Variants in RABL2A observed in about 807,000 individuals in gnomAD.
RABL2A encodes the protein RAB, member of RAS oncogene family like 2A.
RABL2A carries 17 observed loss-of-function variants against 30.7 expected under a neutral mutation model. The observed-to-expected ratio is 0.55, with a 90% CI of 0.38 to 0.83. RABL2A has a LOEUF of 0.83. RABL2A is among the 40% of genes least tolerant of loss of function. The pLI is 0.00. For missense variants in RABL2A, 155 were observed against 272.6 expected (o/e 0.57, Z 3.04); for synonymous variants, 64 against 101.8 (o/e 0.63, Z 2.24).
intron 3 of RABL2A, chr2:113,633,166 T>G: frequency 1.5e-6 from 1 of 675,928 alleles, no homozygotes; most frequent in Non-Finnish European, 2.7e-6. Flanking sequence ...ATATTTGGAT[T>G]GTTTTATATT....
intron 5 of RABL2A, among the ~76,000 whole-genome samples, chr2:113,639,094 TTAATA>T (rs1258717552): frequency 6.6e-6 from 1 of 151,498 alleles, no homozygotes; most frequent in Non-Finnish European, 1.5e-5. Context: ...ACCAGCCTCG[TTAATA>T]TAATGAGAGC....
At chr2:113,637,340 T>C (rs1378687316) in intron 5 of RABL2A, 2 of 1,003,718 alleles carry the variant, frequency 2.0e-6, no homozygotes, top group Non-Finnish European at 2.4e-6. Flanking sequence ...CCTCCTCTGA[T>C]GTTTGTCATT....
chr2:113,642,411 A>T lies in RABL2A; in HGVS notation c.*282A>T. On this transcript the variant is annotated 3_prime_UTR_variant, in exon 9 of 9. Transcript: ENST00000683472. Reference sequence around the variant, plus strand: ...ACCCCCTCCCCCCAGGCAGACAGTGAAGAGAATCAGAAAACATGATTATGT... The same window carrying T: ...ACCCCCTCCCCCCAGGCAGACAGTGTAGAGAATCAGAAAACATGATTATGT... 1.8e-6 allele frequency: 1 copy of T among 561,092 alleles called. No homozygotes were observed. Among genetic ancestry groups the T allele is most frequent in the Non-Finnish European group, 3.0e-6 (1 of 332,860 alleles). 34.8% of individuals were successfully genotyped at this position (561,092 alleles called of 1,614,324 possible). A position where few individuals can be genotyped will look rare whatever the true frequency, so the allele number is the denominator to read the frequency against.
In RABL2A at chr2:113,629,414, C is replaced by T. The variant is rs574451788; in HGVS notation, c.107+701C>T. Among the ~76,000 whole-genome samples the T allele has an allele frequency of 3.0e-3, 464 of 152,308 alleles. 3 individuals carry two copies. The highest frequency in any genetic ancestry group is 0.011 in the African/African-American group (441 of 41,556). ...TAGTCAAGTCCTTTGACTCAGGTAG[C>T]TGTGAATAATTCTCTGGGGGCTTTG... On this transcript the variant is annotated intron_variant, in intron 2 of 8. Coordinates refer to ENST00000683472, the MANE Select transcript of RABL2A (RefSeq NM_001306158.2).
At chr2:113,636,243 A>G (rs1421043810) in intron 5 of RABL2A, among the ~76,000 whole-genome samples, 1 of 151,650 alleles carries the variant, frequency 6.6e-6, no homozygotes, top group Non-Finnish European at 1.5e-5. Flanking sequence ...AATAGCATTC[A>G]AGGTCTTGCT....
chr2:113,636,699 C>T (rs1682865525), intron 5 of RABL2A, among the ~76,000 whole-genome samples: 1 of 152,016 alleles, frequency 6.6e-6, no homozygotes. Context: ...TTAATAAAGT[C>T]TGCCATGGGC....
intron 5 of RABL2A, chr2:113,638,379 C>T (rs1054746403): frequency 1.0e-6 from 1 of 985,346 alleles, no homozygotes; most frequent in African/African-American, 1.7e-5. Flanking sequence ...GTCAGCTGTG[C>T]CAGCAGTTAC....
At chr2:113,630,596 G>A (rs1049695228) in intron 2 of RABL2A, among the ~76,000 whole-genome samples, 2 of 151,894 alleles carry the variant, frequency 1.3e-5, no homozygotes, top group Admixed American at 1.3e-4. Context: ...AATTTACCAC[G>A]GTAGCAGCCC....
intron 5 of RABL2A, among the ~76,000 whole-genome samples, chr2:113,639,464 C>T (rs1275820608): frequency 6.8e-6 from 1 of 146,976 alleles, no homozygotes; most frequent in African/African-American, 2.5e-5. Context: ...TCTACTAAAA[C>T]TACAAAAATT....
At chr2:113,637,487 G>A (rs563496193) in intron 5 of RABL2A, 4 of 1,141,700 alleles carry the variant, frequency 3.5e-6, no homozygotes, top group South Asian at 2.1e-5. Flanking sequence ...TGACTGACTG[G>A]TAGGCACAGT....
intron 7 of RABL2A, 116 bp downstream of exon 7, chr2:113,641,566 C>T: frequency 6.2e-7 from 1 of 1,607,076 alleles, no homozygotes. Flanking sequence ...GTGCATGGGC[C>T]TGGGTGGCAG....
rs754841395 is a variant in RABL2A at position 113,628,586 on chromosome 2, C to T, written c.-21C>T. ...ACCCTCCCCTCCCTTGGGCTGGACC[C>T]CTCTCTACAGCTAGGAGCCAATGGC... is the stretch of plus-strand genomic sequence containing the variant. On this transcript the variant is annotated 5_prime_UTR_variant, in exon 2 of 9. Transcript: ENST00000683472. 1.5e-6 allele frequency: 2 copies of T among 1,348,520 alleles called. No homozygotes were observed. Among genetic ancestry groups the T allele is most frequent in the South Asian group, 2.9e-5 (2 of 69,070 alleles). The allele number at this position is 1,348,520 out of a possible 1,614,324, so 83.5% of individuals were successfully genotyped here. A position where few individuals can be genotyped will look rare whatever the true frequency, so the allele number is the denominator to read the frequency against.
At chr2:113,633,096 T>C in intron 3 of RABL2A, 152 bp downstream of exon 3, 1 of 1,197,108 alleles carries the variant, frequency 8.4e-7, no homozygotes, top group Non-Finnish European at 1.2e-6. Context: ...TGCACTTGTT[T>C]CTTGCCGATT....
At chr2:113,632,823 T>A in intron 2 of RABL2A, 92 bp from the exon 3 acceptor site, 2 of 1,588,084 alleles carry the variant, frequency 1.3e-6, no homozygotes, top group Non-Finnish European at 1.7e-6. Context: ...AAGCCACAGG[T>A]GGCTTCCAGG....
chr2:113,638,395 G>A lies in RABL2A; in HGVS notation c.298-2499G>A. ...TCAGCTGTGCCAGCAGTTACAGGGT[G>A]GTGGTTGTCTGTAACTTTAATCCAC... On this transcript the variant is annotated intron_variant, in intron 5 of 8. Coordinates refer to ENST00000683472, the MANE Select transcript of RABL2A (RefSeq NM_001306158.2). 5 of 985,386 alleles carry A rather than the reference G, an allele frequency of 5.1e-6. No homozygotes were observed. In the South Asian group the frequency reaches 2.3e-4, roughly 46 times the overall value. 61.0% of individuals were successfully genotyped at this position (985,386 alleles called of 1,614,324 possible).
At chr2:113,633,935 C>G in intron 3 of RABL2A, 1 of 1,003,378 alleles carries the variant, frequency 1.0e-6, no homozygotes, top group South Asian at 1.7e-5. Context: ...ATGGCCAGGA[C>G]ACACTCTCAT....
rs1463872697 is a variant in RABL2A at position 113,643,198 on chromosome 2, T to C, written c.*1069T>C. 1 of 454,118 alleles carries C rather than the reference T, an allele frequency of 2.2e-6. No individual in the cohort carries two copies. The highest frequency in any genetic ancestry group is 1.6e-5 in the South Asian group (1 of 64,150). The allele number at this position is 454,118 out of a possible 1,614,324, so 28.1% of individuals were successfully genotyped here. A position where few individuals can be genotyped will look rare whatever the true frequency, so the allele number is the denominator to read the frequency against. ...CTGTCCTTTTTTTTTAGGAATAGTT[T>C]GGACCTTGTGCCTCCTGTGGGAGGC... On this transcript the variant is annotated 3_prime_UTR_variant, in exon 9 of 9. Transcript: ENST00000683472.
At chr2:113,632,992 C>A (rs183237298) in intron 3 of RABL2A, 48 bp downstream of exon 3, 2 of 1,613,902 alleles carry the variant, frequency 1.2e-6, no homozygotes, top group Non-Finnish European at 1.7e-6. Context: ...GGTCTTCCCA[C>A]GCTCATGTAT....
chr2:113,634,728 T>C (rs1681835920), intron 4 of RABL2A: 2 of 450,626 alleles, frequency 4.4e-6, no homozygotes, highest in Non-Finnish European at 4.1e-6. Context: ...GTTGGAATAG[T>C]TTGGAACTTA....
Sources: allele counts gnomAD v4.1 joint callset (sites outside exome capture counted in the v4.1 genomes callset), GRCh38; gene constraint gnomAD v4.1.1; transcripts MANE v1.5; gene names NCBI Gene and HGNC (gene_info 2026-07-23, HGNC 2026-07-21).